The following MAP4 variants were observed in gnomAD, a reference collection of about 807,000 sequenced individuals.
MAP4 encodes the protein microtubule-associated protein 4.
Under a neutral mutation model 170.2 loss-of-function variants are expected in MAP4, and 76 were observed. That is an observed-to-expected ratio of 0.45 (90% CI 0.37 to 0.54). MAP4 has a LOEUF of 0.54. Among genes scored for constraint, MAP4 ranks in the 20% least tolerant of loss-of-function variants. MAP4 has a pLI of 0.00. For synonymous variants in MAP4, 909 were observed against 994.5 expected, an observed-to-expected ratio of 0.91 and a Z score of 1.62; for missense variants, 2,506 against 2,748.0, an observed-to-expected ratio of 0.91 and a Z score of 1.97.
intron 2 of MAP4, among the ~76,000 whole-genome samples, 164 bp downstream of exon 2, chr3:47,998,474 A>G (rs1360052074): frequency 2.0e-5 from 3 of 152,198 alleles, no homozygotes; most frequent in Non-Finnish European, 2.9e-5. Flanking sequence ...ACGCTCACTC[A>G]AAGGGTGGTA....
At chr3:47,952,035 G>A (rs1403828732) in intron 3 of MAP4, among the ~76,000 whole-genome samples, 1 of 149,870 alleles carries the variant, frequency 6.7e-6, no homozygotes, top group South Asian at 2.1e-4. Flanking sequence ...GCCTCTGCCC[G>A]GCCGCGACCC....
At chr3:48,041,331 C>T (rs2100121529) in intron 1 of MAP4, among the ~76,000 whole-genome samples, 1 of 151,744 alleles carries the variant, frequency 6.6e-6, no homozygotes, top group African/African-American at 2.4e-5. Flanking sequence ...AGGCTAGTCT[C>T]AAACTCCTGA....
At chr3:48,018,382 G>A (rs983046018), upstream of MAP4, among the ~76,000 whole-genome samples, 3 of 152,274 alleles carry the variant, frequency 2.0e-5, no homozygotes, top group African/African-American at 4.8e-5. Context: ...AAAATGACAC[G>A]ATGAAAGTTA....
chr3:47,951,748 T>C (rs1367933721), intron 3 of MAP4, among the ~76,000 whole-genome samples: 7 of 152,270 alleles, frequency 4.6e-5, no homozygotes, highest in South Asian at 4.2e-4. Flanking sequence ...AGTGCCGAGA[T>C]TGCAGCCTCT....
chr3:47,861,050 C>T (rs1354952139), intron 17 of MAP4, among the ~76,000 whole-genome samples: 1 of 152,058 alleles, frequency 6.6e-6, no homozygotes, highest in Non-Finnish European at 1.5e-5. Flanking sequence ...ACAGTGAGAC[C>T]CTGTCTCTAC....
At chr3:47,944,096 G>C (rs543628919) in intron 3 of MAP4, among the ~76,000 whole-genome samples, 1 of 152,164 alleles carries the variant, frequency 6.6e-6, no homozygotes, top group East Asian at 1.9e-4. Flanking sequence ...TGGATCACAA[G>C]GTCAGGAGAT....
intron 7 of MAP4, 130 bp from the exon 8 acceptor site, chr3:47,915,069 T>C (rs1577508365): frequency 9.2e-7 from 1 of 1,082,962 alleles, no homozygotes; most frequent in Middle Eastern, 2.1e-4. Flanking sequence ...AGGAGTGAAG[T>C]GGTAGTTGGA....
Position 47,875,750 on chromosome 3 carries a change from G to A in MAP4, c.5692C>T (p.Pro1898Ser). The part of the protein sequence containing the change: ...LASGLVPAAP[P>S]KRPAVASARP... ...GCAGAGGCGACGGCAGGGCGTTTGG[G>A]TGGGGCAGCTGGCACTAAGCCTGAA... Residue 1898 changes from proline to serine, a missense_variant, in exon 12 of 21, where the codon CCC (proline) becomes TCC (serine). This residue lies in a region of MAP4 where 487 missense variants were observed against 511.6 expected (regional missense o/e 0.95). Transcript: ENST00000683076. 1 of 1,613,964 alleles carries A rather than the reference G, an allele frequency of 6.2e-7. No homozygotes were observed. Among genetic ancestry groups the A allele is most frequent in the Non-Finnish European group, 8.5e-7 (1 of 1,179,998 alleles).
intron 2 of MAP4, among the ~76,000 whole-genome samples, chr3:47,989,118 G>A (rs1429756132): frequency 6.6e-6 from 1 of 152,060 alleles, no homozygotes; most frequent in Non-Finnish European, 1.5e-5. Flanking sequence ...GCCAGAACAG[G>A]GGTTTAAAAT....
chr3:47,901,710 C>T (rs1455728696), intron 10 of MAP4, among the ~76,000 whole-genome samples: 2 of 151,778 alleles, frequency 1.3e-5, no homozygotes, highest in East Asian at 1.9e-4. Context: ...CTTACTGTCA[C>T]CTCCATATCT....
intron 10 of MAP4, among the ~76,000 whole-genome samples, chr3:47,899,949 TTC>T (rs2100029141): frequency 6.6e-6 from 1 of 152,220 alleles, no homozygotes; most frequent in Non-Finnish European, 1.5e-5. Flanking sequence ...TGGCAGATAT[TTC>T]TGTTTTAGCC....
At chr3:48,038,208 C>T (rs1055921011) in intron 1 of MAP4, among the ~76,000 whole-genome samples, 4 of 149,754 alleles carry the variant, frequency 2.7e-5, no homozygotes, top group African/African-American at 7.4e-5. Flanking sequence ...TGAGGATTTT[C>T]GGAATATTTG....
At chr3:47,900,131 G>A (rs1483516108) in intron 10 of MAP4, among the ~76,000 whole-genome samples, 2 of 152,106 alleles carry the variant, frequency 1.3e-5, no homozygotes, top group African/African-American at 4.8e-5. Flanking sequence ...TACAATGAAA[G>A]TCAATAATTC....
At chr3:47,952,292 C>G (rs937430964) in intron 3 of MAP4, among the ~76,000 whole-genome samples, 4 of 151,766 alleles carry the variant, frequency 2.6e-5, no homozygotes, top group African/African-American at 9.7e-5. Context: ...GCCAGCCGCC[C>G]CATCCGGGAG....
At chr3:47,894,664 CTTTCT>C (rs1310455680) in intron 10 of MAP4, among the ~76,000 whole-genome samples, 1 of 151,930 alleles carries the variant, frequency 6.6e-6, no homozygotes, top group Non-Finnish European at 1.5e-5. Context: ...TGAATTCTTG[CTTTCT>C]TTTTTTATAC....
intron 10 of MAP4, 154 bp from the exon 11 acceptor site, chr3:47,877,677 A>C: frequency 1.8e-6 from 1 of 542,756 alleles, no homozygotes; most frequent in Non-Finnish European, 3.3e-6. Flanking sequence ...CAAGCCTCCC[A>C]AGTTCTCATT....
At chr3:48,050,124 G>A (rs1436497244) in intron 1 of MAP4, among the ~76,000 whole-genome samples, 1 of 151,660 alleles carries the variant, frequency 6.6e-6, no homozygotes, top group Admixed American at 6.6e-5. Context: ...GCTGGGCGTG[G>A]TGGCACACAC....
At chr3:47,891,757 C>A in intron 10 of MAP4, 1 of 1,536,566 alleles carries the variant, frequency 6.5e-7, no homozygotes, top group Non-Finnish European at 8.7e-7. Flanking sequence ...TGGGTGAATG[C>A]TCAATAATGG....
chr3:48,066,872 G>A (rs1284312820), intron 1 of MAP4, among the ~76,000 whole-genome samples: 3 of 104,334 alleles, frequency 2.9e-5, no homozygotes, highest in South Asian at 3.4e-4. Context: ...ACGGAGTCTC[G>A]CTCTGTCGCC....
Sources: gnomAD v4.1 joint callset for allele counts (sites outside exome capture counted in the v4.1 genomes callset) on GRCh38, gnomAD v4.1.1 for gene constraint, gnomAD v4.1.1 regional missense constraint, MANE v1.5 for transcripts, NCBI Gene and HGNC (gene_info 2026-07-23, HGNC 2026-07-21) for gene names.